Variants in ADAMTSL1 observed in about 807,000 individuals in gnomAD.
ADAMTSL1 encodes ADAMTS like 1, also known as ADAMTS-like protein 1.
In ADAMTSL1, 126 loss-of-function variants were observed where a neutral mutation model predicts 201.8. The observed-to-expected ratio is 0.62, with a 90% CI of 0.54 to 0.72. The LOEUF (loss-of-function observed/expected upper bound fraction) is 0.72. Among genes scored for constraint, ADAMTSL1 ranks in the 30% least tolerant of loss-of-function variants. The probability of loss-of-function intolerance (pLI) is 0.00; values close to 1 mark genes in which losing one functional copy is unlikely to be tolerated. For synonymous variants in ADAMTSL1, 1,121 were observed against 903.4 expected, an observed-to-expected ratio of 1.24 and a Z score of -4.32; for missense variants, 2,679 against 2,277.8, an observed-to-expected ratio of 1.18 and a Z score of -3.59.
chr9:18,542,110 A>G (rs1820190601), intron 3 of ADAMTSL1, among the ~76,000 whole-genome samples: 1 of 152,212 alleles, frequency 6.6e-6, no homozygotes, highest in Non-Finnish European at 1.5e-5. Context: ...TTCATTTTTT[A>G]TTCTATATGC....
chr9:18,448,009 C>T lies in ADAMTSL1; in HGVS notation c.208-56820C>T, dbSNP rs369940861. 1.2e-4 allele frequency among the ~76,000 whole-genome samples: 18 copies of T among 152,020 alleles called. 1 individual carries two copies. Among genetic ancestry groups the T allele is most frequent in the East Asian group, 5.8e-4 (3 of 5,174 alleles). ...ACCACCAAAACAAGAGATTTGTGTG[C>T]GTGCTCGCTCTCGCTCTTTCTCTCT... On this transcript the variant is annotated intron_variant, in intron 2 of 29. Coordinates refer to the ADAMTSL1 transcript ENST00000680146.
intron 5 of ADAMTSL1, among the ~76,000 whole-genome samples, chr9:18,635,123 G>C (rs1157110943): frequency 6.6e-6 from 1 of 151,480 alleles, no homozygotes; most frequent in Non-Finnish European, 1.5e-5. Flanking sequence ...GGGTGAGGGA[G>C]TAAATAGTAT....
At chr9:18,262,533 C>T (rs1831963870) in intron 2 of ADAMTSL1, among the ~76,000 whole-genome samples, 1 of 152,122 alleles carries the variant, frequency 6.6e-6, no homozygotes, top group Non-Finnish European at 1.5e-5. Flanking sequence ...TTCTTCTATT[C>T]TTGAGGGTGA....
At chr9:18,011,971 A>G (rs532813770) in intron 1 of ADAMTSL1, among the ~76,000 whole-genome samples, 2 of 152,154 alleles carry the variant, frequency 1.3e-5, no homozygotes, top group Admixed American at 1.3e-4. Context: ...CCTCCAGGAA[A>G]TGTTTCCCCA....
intron 19 of ADAMTSL1, among the ~76,000 whole-genome samples, chr9:18,791,914 C>A (rs1163853337): frequency 1.3e-5 from 2 of 152,108 alleles, no homozygotes; most frequent in African/African-American, 4.8e-5. Flanking sequence ...TGTAGGAATT[C>A]TTTTCCAGGC....
intron 9 of ADAMTSL1, among the ~76,000 whole-genome samples, chr9:18,666,533 C>A (rs1185746160): frequency 6.6e-6 from 1 of 152,164 alleles, no homozygotes; most frequent in African/African-American, 2.4e-5. Flanking sequence ...ATACATTTAA[C>A]ACTATGTTCT....
intron 2 of ADAMTSL1, among the ~76,000 whole-genome samples, chr9:18,210,873 A>G (rs1202806574): frequency 6.6e-6 from 1 of 152,052 alleles, no homozygotes; most frequent in African/African-American, 2.4e-5. Context: ...CACAGAAGTA[A>G]AATTTGTCAC....
chr9:18,106,512 A>G (rs530724449), intron 1 of ADAMTSL1, among the ~76,000 whole-genome samples: 2 of 152,214 alleles, frequency 1.3e-5, no homozygotes, highest in Non-Finnish European at 2.9e-5. Flanking sequence ...AAAAGGCCCA[A>G]ATAAGCAGGG....
intron 1 of ADAMTSL1, among the ~76,000 whole-genome samples, chr9:17,909,704 T>C (rs1588399296): frequency 1.5e-5 from 1 of 66,048 alleles, no homozygotes; most frequent in African/African-American, 3.1e-5. Flanking sequence ...AAATTGGAAA[T>C]CATCATTCTC....
intron 2 of ADAMTSL1, among the ~76,000 whole-genome samples, chr9:18,265,000 G>T (rs138494528): frequency 9.2e-5 from 14 of 152,300 alleles, no homozygotes; most frequent in Non-Finnish European, 1.5e-4. Flanking sequence ...ATAAAGTAAA[G>T]CACATAGCAC....
chr9:18,438,881 C>G (rs982590813), intron 2 of ADAMTSL1, among the ~76,000 whole-genome samples: 4 of 152,220 alleles, frequency 2.6e-5, no homozygotes, highest in African/African-American at 9.6e-5. Flanking sequence ...GTCCACTACA[C>G]CCAGGCACAT....
intron 23 of ADAMTSL1, among the ~76,000 whole-genome samples, chr9:18,867,202 T>C (rs1827587072): frequency 6.6e-6 from 1 of 152,216 alleles, no homozygotes; most frequent in Non-Finnish European, 1.5e-5. Context: ...GAAGCAAAGG[T>C]ATTGAGCACA....
At chr9:18,285,705 TTTAA>T (rs1832966461) in intron 2 of ADAMTSL1, among the ~76,000 whole-genome samples, 1 of 152,082 alleles carries the variant, frequency 6.6e-6, no homozygotes, top group Non-Finnish European at 1.5e-5. Context: ...TTTTGAATGG[TTTAA>T]TTCTTACTGT....
In ADAMTSL1 at chr9:18,688,704, A is replaced by ATATATATATATC. The variant is rs138160150; in HGVS notation, c.1574+3909_1574+3910insATATATCTATAT. Among the ~76,000 whole-genome samples the ATATATATATATC allele has an allele frequency of 9.2e-4, 67 of 72,450 alleles. 1 individual carries two copies. The highest frequency in any genetic ancestry group is 8.1e-3 in the Middle Eastern group (1 of 124). 47.5% of individuals were successfully genotyped at this position (72,450 alleles called of 152,430 possible). A position where few individuals can be genotyped will look rare whatever the true frequency, so the allele number is the denominator to read the frequency against. ...AAAAAAAAAAAATATATATATATAT[A>ATATATATATATC]TATATGACTGTGACTAAGAATGCCT... On this transcript the variant is annotated intron_variant, in intron 13 of 28. Coordinates refer to ENST00000380548, the MANE Select transcript of ADAMTSL1 (RefSeq NM_001040272.6).
chr9:18,696,939 G>A (rs1057184565), intron 13 of ADAMTSL1, among the ~76,000 whole-genome samples: 43 of 150,156 alleles, frequency 2.9e-4, no homozygotes, highest in Admixed American at 1.8e-3. Flanking sequence ...GAGTGCAGTG[G>A]TGTGATCTCA....
intron 23 of ADAMTSL1, among the ~76,000 whole-genome samples, chr9:18,865,454 G>C (rs7875489): frequency 0.58 from 88,418 of 151,886 alleles, 25,924 homozygotes; most frequent in Middle Eastern, 0.61. Flanking sequence ...TGGACATTTG[G>C]GTTGGTTCCA....
At chr9:18,697,400 C>T (rs369665532) in intron 13 of ADAMTSL1, among the ~76,000 whole-genome samples, 2 of 152,166 alleles carry the variant, frequency 1.3e-5, no homozygotes, top group African/African-American at 2.4e-5. Context: ...AGTTGCAAAA[C>T]AGACTAGCAA....
intron 9 of ADAMTSL1, 134 bp downstream of exon 9, chr9:18,662,207 T>C (rs1829139982): frequency 2.5e-6 from 3 of 1,219,950 alleles, no homozygotes; most frequent in African/African-American, 1.5e-5. Context: ...CCAGTGTTCA[T>C]TACTAATCAC....
chr9:18,546,720 A>G (rs945984428), intron 3 of ADAMTSL1, among the ~76,000 whole-genome samples: 1 of 152,168 alleles, frequency 6.6e-6, no homozygotes, highest in Non-Finnish European at 1.5e-5. Flanking sequence ...GTCAATTCTT[A>G]TAGAACAGTA....
Sources: allele counts gnomAD v4.1 joint callset (sites outside exome capture counted in the v4.1 genomes callset), GRCh38; gene constraint gnomAD v4.1.1; transcripts MANE v1.5; gene names NCBI Gene and HGNC (gene_info 2026-07-23, HGNC 2026-07-21).